MTM1: variants seen among roughly 807,000 people sequenced by gnomAD.
The protein encoded by MTM1 is myotubularin.
In MTM1, 9 loss-of-function variants were observed where a neutral mutation model predicts 52.1. The observed-to-expected ratio is 0.17, with a 90% CI of 0.10 to 0.30. The LOEUF is 0.30. Among genes scored for constraint, MTM1 ranks in the 10% least tolerant of loss-of-function variants. MTM1 has a pLI of 1.00. For synonymous variants in MTM1, 136 were observed against 163.8 expected (o/e 0.83, Z 1.29); for missense variants, 277 against 470.7 (o/e 0.59, Z 3.81).
chrX:150,574,713 T>TCA (rs782813528), intron 1 of MTM1, among the ~76,000 whole-genome samples: 164 of 112,279 alleles, frequency 1.5e-3, no homozygotes, highest in African/African-American at 5.1e-3. Flanking sequence ...TAGCCACAGT[T>TCA]CAAGTGTTCA....
intron 14 of MTM1, among the ~76,000 whole-genome samples, chrX:150,668,922 AAAG>A (rs2040349975): frequency 9.1e-6 from 1 of 110,424 alleles, no homozygotes; most frequent in Non-Finnish European, 1.9e-5. Flanking sequence ...CTTCTAAAAA[AAAG>A]GGTGGGGGGA....
chrX:150,639,870 A>G (rs911757675), intron 7 of MTM1, among the ~76,000 whole-genome samples: 8 of 112,649 alleles, frequency 7.1e-5, no homozygotes, highest in Non-Finnish European at 1.3e-4. Context: ...GTAGAACCCT[A>G]GACTTGAGAA....
chrX:150,671,475 C>T lies in MTM1; in HGVS notation c.1692C>T (p.Arg564=), dbSNP rs1557415136. ...GTTACATGGAGCTCTTAGCCTTACG[C>T]GACGAATACATAAAGCGGCTTGAGG... ...EQRYMELLAL[R]DEYIKRLEEL... is the part of the protein sequence containing the mutation. The change falls in exon 15 of 15, where the codon CGC becomes CGT. Residue 564 remains arginine (R), a synonymous_variant. Coordinates refer to ENST00000370396, the MANE Select transcript of MTM1 (RefSeq NM_000252.3). 12 of 1,208,800 alleles carry T rather than the reference C, an allele frequency of 9.9e-6. No homozygotes were observed. The highest frequency in any genetic ancestry group is 5.3e-5 in the South Asian group (3 of 56,745).
At chrX:150,613,220 T>C (rs1186414454) in intron 4 of MTM1, among the ~76,000 whole-genome samples, 2 of 111,192 alleles carry the variant, frequency 1.8e-5, no homozygotes, top group Non-Finnish European at 3.8e-5. Context: ...AAATAACCCT[T>C]AAAAATTTTT....
At chrX:150,606,386 T>C (rs1426084207) in intron 4 of MTM1, among the ~76,000 whole-genome samples, 2 of 112,257 alleles carry the variant, frequency 1.8e-5, no homozygotes, top group East Asian at 2.8e-4. Flanking sequence ...AGCTCTGATG[T>C]TGAAAGTCAC....
At chrX:150,586,111 G>A (rs1295525200) in intron 1 of MTM1, among the ~76,000 whole-genome samples, 2 of 112,078 alleles carry the variant, frequency 1.8e-5, no homozygotes, top group Non-Finnish European at 3.8e-5. Flanking sequence ...AAAATGAATT[G>A]TAAATATCAA....
intron 1 of MTM1, among the ~76,000 whole-genome samples, chrX:150,587,978 G>C (rs1488629671): frequency 9.0e-6 from 1 of 111,659 alleles, no homozygotes; most frequent in Non-Finnish European, 1.9e-5. Context: ...TTTCAGCCTA[G>C]CAAAGGGGAC....
At chrX:150,655,833 A>G (rs1288697994) in intron 10 of MTM1, among the ~76,000 whole-genome samples, 4 of 111,948 alleles carry the variant, frequency 3.6e-5, no homozygotes, top group Non-Finnish European at 7.5e-5. Context: ...ACAACTGTAT[A>G]AATTTGCTAA....
At chrX:150,570,727 A>T (rs2038357269) in intron 1 of MTM1, among the ~76,000 whole-genome samples, 1 of 111,745 alleles carries the variant, frequency 8.9e-6, no homozygotes, top group African/African-American at 3.3e-5. Flanking sequence ...TGTACTGTGA[A>T]CCTCTTATCT....
chrX:150,621,185 A>C (rs1473014133), intron 6 of MTM1, among the ~76,000 whole-genome samples: 1 of 108,115 alleles, frequency 9.2e-6, no homozygotes, highest in Non-Finnish European at 1.9e-5. Flanking sequence ...TTTGCAGTTC[A>C]TGAAACCTAC....
At chrX:150,633,769 C>T (rs1206760978) in intron 6 of MTM1, among the ~76,000 whole-genome samples, 1 of 112,169 alleles carries the variant, frequency 8.9e-6, no homozygotes, top group African/African-American at 3.2e-5. Flanking sequence ...CCGTGGCTCA[C>T]GCCTGTAAGC....
chrX:150,631,896 GTTTGA>G (rs781905092), intron 6 of MTM1, among the ~76,000 whole-genome samples: 3 of 111,183 alleles, frequency 2.7e-5, no homozygotes, highest in East Asian at 5.6e-4. Flanking sequence ...TCCTCTGCAT[GTTTGA>G]TTTTATTTCT....
intron 5 of MTM1, among the ~76,000 whole-genome samples, chrX:150,618,375 G>A (rs1011519607): frequency 4.5e-4 from 50 of 111,843 alleles, no homozygotes; most frequent in African/African-American, 1.4e-3. Context: ...TATCAGGGCC[G>A]GATGTGGTGG....
At chrX:150,619,263 C>T in intron 6 of MTM1, 124 bp downstream of exon 6, 1 of 554,515 alleles carries the variant, frequency 1.8e-6, no homozygotes, top group East Asian at 3.5e-5. Context: ...GATGTGTCTG[C>T]AGAGGTGTTT....
chrX:150,616,355 T>TAA (rs2039385222), intron 5 of MTM1, among the ~76,000 whole-genome samples: 1 of 112,123 alleles, frequency 8.9e-6, no homozygotes, highest in Non-Finnish European at 1.9e-5. Flanking sequence ...ATTTTCTCAG[T>TAA]AACAAACCTG....
intron 10 of MTM1, among the ~76,000 whole-genome samples, chrX:150,651,035 C>T (rs973336647): frequency 7.2e-5 from 8 of 111,658 alleles, no homozygotes; most frequent in African/African-American, 1.6e-4. Flanking sequence ...CAAATCCCAC[C>T]GAATCTCAAA....
At chrX:150,615,759 G>A (rs782525216) in intron 5 of MTM1, among the ~76,000 whole-genome samples, 53 of 112,118 alleles carry the variant, frequency 4.7e-4, no homozygotes, top group Admixed American at 2.8e-4. Flanking sequence ...GTTTATAAAA[G>A]ATCAAGACTC....
intron 1 of MTM1, among the ~76,000 whole-genome samples, chrX:150,591,617 A>G (rs781904510): frequency 8.0e-5 from 9 of 112,997 alleles, no homozygotes; most frequent in African/African-American, 2.9e-4. Context: ...TAACCCATTT[A>G]TGCCTAGTGT....
Position 150,657,924 on chromosome X carries a change from C to T in MTM1, c.1157C>T (p.Thr386Ile). 1 of 1,210,308 alleles carries T rather than the reference C, an allele frequency of 8.3e-7. No individual in the cohort carries two copies. Among genetic ancestry groups the T allele is most frequent in the Non-Finnish European group, 1.1e-6 (1 of 894,271 alleles). The change falls in exon 11 of 15, where the codon ACA (threonine) becomes ATA (isoleucine). Residue 386 changes from threonine (T) to isoleucine (I), a missense_variant. Physicochemically the swap from Thr to Ile is moderately conservative, Grantham distance 89. Transcript: ENST00000370396. ...GGATGGGACAGGACTGCTCAGCTGACATCCTTGGCCATGCTGATGTTGGAT... is the reference window on the plus strand; with the variant it reads ...GGATGGGACAGGACTGCTCAGCTGATATCCTTGGCCATGCTGATGTTGGAT... ...SDGWDRTAQL[T>I]SLAMLMLDSF...
Sources: allele counts gnomAD v4.1 joint callset (sites outside exome capture counted in the v4.1 genomes callset), GRCh38; gene constraint gnomAD v4.1.1; transcripts MANE v1.5; gene names NCBI Gene and HGNC (gene_info 2026-07-23, HGNC 2026-07-21).